STK3: variants seen among roughly 807,000 people sequenced by gnomAD.
STK3 encodes serine/threonine-protein kinase 3.
STK3 carries 41 observed loss-of-function variants against 58.0 expected under a neutral mutation model. That is an observed-to-expected ratio of 0.71 (90% CI 0.55 to 0.92). The LOEUF is 0.92. Among genes scored for constraint, STK3 ranks in the 40% least tolerant of loss-of-function variants. STK3 has a pLI of 0.00. For synonymous variants in STK3, 170 were observed against 191.0 expected (o/e 0.89, Z 0.91); for missense variants, 479 against 602.7 (o/e 0.79, Z 2.15).
chr8:98,839,532 C>T (rs927494719), intron 3 of STK3, among the ~76,000 whole-genome samples: 1 of 152,128 alleles, frequency 6.6e-6, no homozygotes, highest in Non-Finnish European at 1.5e-5. Flanking sequence ...AAGTGTGGTC[C>T]CTAACCTGAC....
chr8:98,501,749 G>A (rs2131364834), intron 10 of STK3, among the ~76,000 whole-genome samples: 1 of 152,326 alleles, frequency 6.6e-6, no homozygotes, highest in African/African-American at 2.4e-5. Context: ...CCTCTGTTCT[G>A]TTCCATTGGT....
chr8:98,842,659 CAG>C (rs1836040778), intron 3 of STK3, among the ~76,000 whole-genome samples: 2 of 152,048 alleles, frequency 1.3e-5, no homozygotes, highest in African/African-American at 4.8e-5. Context: ...GTCTGGGTAA[CAG>C]AGTGAGATCC....
chr8:98,350,060 A>T, the STK3 span, among the ~76,000 whole-genome samples: 1 of 152,148 alleles, frequency 6.6e-6, no homozygotes, highest in Non-Finnish European at 1.5e-5. Flanking sequence ...TTGCATTGTC[A>T]GGCTGCAATT....
intron 4 of STK3, among the ~76,000 whole-genome samples, chr8:98,720,265 A>C (rs569501333): frequency 6.6e-6 from 1 of 152,268 alleles, no homozygotes; most frequent in South Asian, 2.1e-4. Context: ...TTCTCTACTT[A>C]AGTAAGTAAG....
At chr8:98,484,135 C>CTAAGTCTTTAAGTAT (rs1554600406) in intron 10 of STK3, among the ~76,000 whole-genome samples, 1 of 62,014 alleles carries the variant, frequency 1.6e-5, no homozygotes. Flanking sequence ...ACTAAGTCCA[C>CTAAGTCTTTAAGTAT]TAAGTAGACT....
At chr8:98,890,743 T>C (rs1587808270) in intron 1 of STK3, among the ~76,000 whole-genome samples, 1 of 152,216 alleles carries the variant, frequency 6.6e-6, no homozygotes, top group Non-Finnish European at 1.5e-5. Flanking sequence ...TATAAAACTA[T>C]ATTTTTTTCT....
At chr8:98,486,073 G>A (rs1486746069) in intron 10 of STK3, among the ~76,000 whole-genome samples, 2 of 152,232 alleles carry the variant, frequency 1.3e-5, no homozygotes, top group African/African-American at 4.8e-5. Context: ...ATAAGGAAAA[G>A]ATCTTAGGCC....
intron 1 of STK3, among the ~76,000 whole-genome samples, chr8:98,884,044 T>C (rs1284209423): frequency 1.3e-5 from 2 of 152,310 alleles, no homozygotes; most frequent in Non-Finnish European, 2.9e-5. Flanking sequence ...ACAGCCAATG[T>C]GGACAAGGAA....
chr8:98,553,956 GAA>G (rs759338338), intron 8 of STK3, among the ~76,000 whole-genome samples: 1 of 140,546 alleles, frequency 7.1e-6, no homozygotes, highest in Admixed American at 7.1e-5. Flanking sequence ...ATCCCAAAGG[GAA>G]AAAAAAAAAA....
chr8:98,906,924 G>T (rs1438580888), intron 1 of STK3, among the ~76,000 whole-genome samples: 1 of 151,430 alleles, frequency 6.6e-6, no homozygotes. Flanking sequence ...AAGGAGGGAG[G>T]ATCTGTTGAG....
intron 10 of STK3, among the ~76,000 whole-genome samples, chr8:98,491,396 G>T (rs1248941910): frequency 6.6e-6 from 1 of 151,834 alleles, no homozygotes; most frequent in South Asian, 2.1e-4. Flanking sequence ...TCTTTAGCAG[G>T]TATAGGAACA....
chr8:98,438,476 C>T (rs1331405178), intron 1 of STK3: 2 of 152,358 alleles, frequency 1.3e-5, no homozygotes, highest in East Asian at 1.9e-4. Flanking sequence ...GGTGGAACCA[C>T]GTCAACCAGG....
chr8:98,347,236 C>T, the STK3 span, among the ~76,000 whole-genome samples: 19 of 151,916 alleles, frequency 1.3e-4, 1 homozygote, highest in South Asian at 2.1e-4. Context: ...GCGTATTGGC[C>T]GGGCACGGTG....
chr8:98,818,924 G>A (rs1307461666), intron 1 of STK3, among the ~76,000 whole-genome samples: 3 of 152,198 alleles, frequency 2.0e-5, no homozygotes, highest in African/African-American at 7.2e-5. Context: ...AAGTTCACAC[G>A]ATTCTCCTGC....
chr8:98,890,768 G>T (rs778170696), intron 1 of STK3, among the ~76,000 whole-genome samples: 1 of 152,176 alleles, frequency 6.6e-6, no homozygotes, highest in Non-Finnish European at 1.5e-5. Context: ...CCAGAGACAT[G>T]AAACCCTTTA....
At chr8:98,556,552 T>C (rs1811602289) in intron 8 of STK3, among the ~76,000 whole-genome samples, 1 of 151,538 alleles carries the variant, frequency 6.6e-6, no homozygotes, top group Admixed American at 6.6e-5. Flanking sequence ...AGAACAAAAG[T>C]AGAAATATTC....
chr8:98,375,281 CA>C (rs565803495), intron 2 of STK3, among the ~76,000 whole-genome samples: 12,283 of 85,038 alleles, frequency 0.14, 581 homozygotes, highest in African/African-American at 0.18. Context: ...CAAAAAAAAA[CA>C]AAAAAAAAAA....
intron 9 of STK3, among the ~76,000 whole-genome samples, chr8:98,528,649 G>A (rs1005097333): frequency 2.0e-5 from 3 of 152,058 alleles, no homozygotes; most frequent in Non-Finnish European, 4.4e-5. Context: ...ACCATGCCCG[G>A]CTAATTTTGT....
intron 3 of STK3, among the ~76,000 whole-genome samples, chr8:98,762,445 G>A (rs781555035): frequency 3.3e-4 from 50 of 152,154 alleles, no homozygotes; most frequent in Non-Finnish European, 5.6e-4. Flanking sequence ...TAGTAGAGAC[G>A]GGGTTTCACC....
Sources: allele counts gnomAD v4.1 joint callset (sites outside exome capture counted in the v4.1 genomes callset), GRCh38; gene constraint gnomAD v4.1.1; transcripts MANE v1.5; gene names NCBI Gene and HGNC (gene_info 2026-07-23, HGNC 2026-07-21).